Variants in MACROD2 observed in about 807,000 individuals in gnomAD.
MACROD2 encodes the protein ADP-ribose glycohydrolase MACROD2.
Under a neutral mutation model 70.4 loss-of-function variants are expected in MACROD2, and 36 were observed. That is an observed-to-expected ratio of 0.51 (90% CI 0.39 to 0.68). MACROD2 has a LOEUF of 0.68. Among genes scored for constraint, MACROD2 ranks in the 30% least tolerant of loss-of-function variants. The pLI is 0.00. For missense variants in MACROD2, 496 were observed against 538.4 expected, an observed-to-expected ratio of 0.92 and a Z score of 0.78; for synonymous variants, 172 against 178.8, an observed-to-expected ratio of 0.96 and a Z score of 0.30.
chr20:15,151,032 TA>T (rs2076265438), intron 5 of MACROD2, among the ~76,000 whole-genome samples: 1 of 152,012 alleles, frequency 6.6e-6, no homozygotes, highest in African/African-American at 2.4e-5. Context: ...GAGAGTTACC[TA>T]AAGCTCGGCG....
At chr20:15,874,721 T>C (rs1444590861) in intron 9 of MACROD2, among the ~76,000 whole-genome samples, 5 of 152,156 alleles carry the variant, frequency 3.3e-5, no homozygotes, top group African/African-American at 1.2e-4. Flanking sequence ...AGCAATCTGC[T>C]TCCTGATTTA....
intron 3 of MACROD2, among the ~76,000 whole-genome samples, chr20:14,463,617 TC>T (rs1225124982): frequency 1.3e-5 from 2 of 152,128 alleles, no homozygotes; most frequent in African/African-American, 4.8e-5. Flanking sequence ...GTGCCAGTTT[TC>T]AAAGGGAATA....
chr20:15,074,607 C>G (rs1207769384), intron 5 of MACROD2, among the ~76,000 whole-genome samples: 2 of 152,206 alleles, frequency 1.3e-5, no homozygotes, highest in African/African-American at 2.4e-5. Context: ...GGACTGAAAC[C>G]TGAACCTGTG....
At chr20:15,913,262 G>A (rs1357621729) in intron 10 of MACROD2, among the ~76,000 whole-genome samples, 1 of 151,902 alleles carries the variant, frequency 6.6e-6, no homozygotes. Context: ...AAATAACCTG[G>A]TTGTAGAATT....
intron 8 of MACROD2, among the ~76,000 whole-genome samples, chr20:15,604,732 T>C (rs990775561): frequency 2.0e-5 from 3 of 152,208 alleles, no homozygotes; most frequent in African/African-American, 7.2e-5. Context: ...TCTTGGTTCT[T>C]CTGGGGTTTC....
At chr20:15,164,791 C>G (rs923433963) in intron 5 of MACROD2, among the ~76,000 whole-genome samples, 2 of 152,084 alleles carry the variant, frequency 1.3e-5, no homozygotes, top group Non-Finnish European at 2.9e-5. Context: ...GTTTCAGTTA[C>G]TTTGTAGGCT....
chr20:14,788,763 G>GTTTTTTTTTTTTTT (rs1195877119), intron 5 of MACROD2, among the ~76,000 whole-genome samples: 1 of 79,476 alleles, frequency 1.3e-5, no homozygotes, highest in Non-Finnish European at 2.2e-5. Flanking sequence ...TAGTGGTGGT[G>GTTTTTTTTTTTTTT]TTTTTTTTTT....
At chr20:14,631,636 A>G (rs939103783) in intron 4 of MACROD2, among the ~76,000 whole-genome samples, 3 of 152,116 alleles carry the variant, frequency 2.0e-5, no homozygotes, top group Non-Finnish European at 2.9e-5. Flanking sequence ...TTAGCCAGGC[A>G]TGGTGGCGGG....
chr20:15,724,022 C>T (rs1209575593), intron 8 of MACROD2, among the ~76,000 whole-genome samples: 1 of 152,114 alleles, frequency 6.6e-6, no homozygotes, highest in Non-Finnish European at 1.5e-5. Context: ...TCATATTTAC[C>T]TGATGCCACA....
chr20:14,925,259 A>G lies in MACROD2; in HGVS notation c.418+240300A>G, dbSNP rs1011180845. On this transcript the variant is annotated intron_variant, in intron 5 of 17. Transcript: ENST00000684519. ...CTTTCTTTATACTTTTTAGCCTTCC[A>G]TAATATAAATAATATTGTGGTGCTA... is the stretch of plus-strand genomic sequence containing the variant. Among the ~76,000 whole-genome samples the G allele has an allele frequency of 3.9e-5, 6 of 152,132 alleles. 1 individual carries two copies. The highest frequency in any genetic ancestry group is 7.3e-5 in the Non-Finnish European group (5 of 68,034).
chr20:15,176,297 G>A (rs1271987031), intron 5 of MACROD2, among the ~76,000 whole-genome samples: 1 of 152,186 alleles, frequency 6.6e-6, no homozygotes, highest in East Asian at 1.9e-4. Flanking sequence ...GACAAAAAGG[G>A]GCAGGTCCCT....
In MACROD2 at chr20:14,507,838, C is replaced by T. The variant is rs6042768; in HGVS notation, c.301+14330C>T. Among the ~76,000 whole-genome samples the T allele has an allele frequency of 6.5e-3, 996 of 152,142 alleles. 18 individuals carry two copies. The highest frequency in any genetic ancestry group is 0.022 in the African/African-American group (920 of 41,482). On this transcript the variant is annotated intron_variant, in intron 4 of 17. Coordinates refer to ENST00000684519, the MANE Select transcript of MACROD2 (RefSeq NM_001351661.2). ...GACCTTGTTTTTCTATGATTGAGTG[C>T]GCTGGCCTGTTTGTTGTCTCCCTGA...
intron 8 of MACROD2, among the ~76,000 whole-genome samples, chr20:15,641,109 G>A (rs2049452907): frequency 6.6e-6 from 1 of 152,236 alleles, no homozygotes; most frequent in South Asian, 2.1e-4. Context: ...TGGAGTTGCT[G>A]ATTGTGGATG....
intron 7 of MACROD2, among the ~76,000 whole-genome samples, chr20:15,449,369 A>G (rs2046610798): frequency 6.6e-6 from 1 of 152,136 alleles, no homozygotes. Context: ...GGATAACAGG[A>G]GCTTGAGGGG....
intron 8 of MACROD2, among the ~76,000 whole-genome samples, chr20:15,844,098 C>T (rs1435607653): frequency 1.3e-5 from 2 of 151,874 alleles, no homozygotes; most frequent in Non-Finnish European, 2.9e-5. Flanking sequence ...AAAGAGAAAA[C>T]TGTGAATAGG....
At chr20:15,222,087 G>T (rs1169788564) in intron 5 of MACROD2, among the ~76,000 whole-genome samples, 2 of 152,262 alleles carry the variant, frequency 1.3e-5, no homozygotes, top group African/African-American at 4.8e-5. Flanking sequence ...AAGGAAACTA[G>T]ATTTAAAAAT....
rs545781113 is a variant in MACROD2 at position 15,395,183 on chromosome 20, T to G, written c.541-36222T>G. On this transcript the variant is annotated intron_variant, in intron 6 of 17. Transcript: ENST00000684519. ...CCAATGACCATTATCCCTGCCACAG[T>G]CTACCCACTACCACATCCACCAATC... is the stretch of plus-strand genomic sequence containing the variant. Among the ~76,000 whole-genome samples, 3 of 152,326 alleles carry G rather than the reference T, an allele frequency of 2.0e-5. No homozygotes were observed. The South Asian group carries it at 6.2e-4, about 32-fold the overall frequency.
intron 8 of MACROD2, among the ~76,000 whole-genome samples, chr20:15,852,201 T>C (rs2064307248): frequency 6.6e-6 from 1 of 152,198 alleles, no homozygotes; most frequent in Admixed American, 6.5e-5. Flanking sequence ...CTTGTGTGAA[T>C]GAGCCTCCAG....
At chr20:14,021,682 A>T (rs529530184) in intron 2 of MACROD2, among the ~76,000 whole-genome samples, 5 of 152,332 alleles carry the variant, frequency 3.3e-5, no homozygotes, top group Admixed American at 1.3e-4. Context: ...AACTGTGTTA[A>T]GTTTGGCTAG....
Sources: gnomAD v4.1 joint callset for allele counts (sites outside exome capture counted in the v4.1 genomes callset) on GRCh38, gnomAD v4.1.1 for gene constraint, MANE v1.5 for transcripts, NCBI Gene and HGNC (gene_info 2026-07-23, HGNC 2026-07-21) for gene names.